Variants in PDE7B observed in about 807,000 individuals in gnomAD.
PDE7B encodes the protein 3',5'-cyclic-AMP phosphodiesterase 7B.
A neutral mutation model predicts 56.2 loss-of-function variants in PDE7B; 29 were observed. The observed-to-expected ratio is 0.52, with a 90% CI of 0.38 to 0.70. PDE7B has a LOEUF of 0.70. PDE7B is among the 30% of genes least tolerant of loss of function. The pLI is 0.00. For synonymous variants in PDE7B, 197 were observed against 196.9 expected (o/e 1.00, Z 0.00); for missense variants, 490 against 565.0 (o/e 0.87, Z 1.35).
intron 1 of PDE7B, among the ~76,000 whole-genome samples, chr6:135,872,913 T>A (rs988180068): frequency 6.6e-6 from 1 of 152,188 alleles, no homozygotes; most frequent in Non-Finnish European, 1.5e-5. Context: ...TTATTTCTCA[T>A]TTCTCCACAT....
chr6:136,099,244 A>ATGT (rs2128216974), intron 2 of PDE7B, among the ~76,000 whole-genome samples: 1 of 152,266 alleles, frequency 6.6e-6, no homozygotes, highest in East Asian at 1.9e-4. Flanking sequence ...ATACCTGTGC[A>ATGT]TGTGTCTTTA....
intron 2 of PDE7B, among the ~76,000 whole-genome samples, chr6:136,004,161 G>A (rs964356294): frequency 2.6e-5 from 4 of 152,106 alleles, no homozygotes; most frequent in African/African-American, 4.8e-5. Flanking sequence ...AACCCTTCAT[G>A]CTAAAAACTC....
At chr6:136,043,972 T>G (rs1158242898) in intron 2 of PDE7B, 1 of 152,196 alleles carries the variant, frequency 6.6e-6, no homozygotes, top group Non-Finnish European at 1.5e-5. Context: ...TTTGTCATTA[T>G]TGCCCTCTGA....
chr6:136,168,284 G>C (rs928778672), intron 8 of PDE7B, among the ~76,000 whole-genome samples: 2 of 152,054 alleles, frequency 1.3e-5, no homozygotes, highest in Admixed American at 1.3e-4. Context: ...GTGATATTTG[G>C]GACAATTTCA....
At chr6:136,095,107 C>T (rs934022788) in intron 2 of PDE7B, among the ~76,000 whole-genome samples, 4 of 152,192 alleles carry the variant, frequency 2.6e-5, no homozygotes, top group Non-Finnish European at 5.9e-5. Context: ...CATTAACATA[C>T]TGAAGCGTCT....
chr6:136,158,753 C>A (rs1022273757), intron 8 of PDE7B, among the ~76,000 whole-genome samples: 2 of 152,150 alleles, frequency 1.3e-5, no homozygotes, highest in East Asian at 1.9e-4. Flanking sequence ...CCTCTCTCAT[C>A]AGACTGGAAG....
chr6:136,176,753 A>G (rs1188756702), intron 9 of PDE7B, among the ~76,000 whole-genome samples: 1 of 152,148 alleles, frequency 6.6e-6, no homozygotes, highest in African/African-American at 2.4e-5. Context: ...ACTCCCTAAC[A>G]AAGAATGAGG....
rs369910516 is a variant in PDE7B at position 135,907,857 on chromosome 6, T to A, written c.22-39607T>A. ...GGATAGACTTGTTATAAAGAAGATA[T>A]TCATTCCTCCTATAGGGAGGAAATG... On this transcript the variant is annotated intron_variant, in intron 1 of 12. Coordinates refer to ENST00000308191, the MANE Select transcript of PDE7B (RefSeq NM_018945.4). Among the ~76,000 whole-genome samples, 13 of 152,200 alleles carry A rather than the reference T, an allele frequency of 8.5e-5. 1 individual carries two copies. Among genetic ancestry groups the A allele is most frequent in the Admixed American group, 4.6e-4 (7 of 15,296 alleles).
At chr6:135,872,607 G>T (rs1224619394) in intron 1 of PDE7B, among the ~76,000 whole-genome samples, 1 of 152,106 alleles carries the variant, frequency 6.6e-6, no homozygotes, top group Non-Finnish European at 1.5e-5. Flanking sequence ...CCACACAGAA[G>T]AAAACCCAAC....
At chr6:135,939,069 G>A (rs746708721) in intron 1 of PDE7B, among the ~76,000 whole-genome samples, 6 of 152,152 alleles carry the variant, frequency 3.9e-5, no homozygotes, top group Non-Finnish European at 7.3e-5. Context: ...TTCTTTGACT[G>A]AAGAAGAAAA....
chr6:135,914,533 G>A (rs1298237762), intron 1 of PDE7B, among the ~76,000 whole-genome samples: 1 of 12,850 alleles, frequency 7.8e-5, no homozygotes, highest in Non-Finnish European at 1.0e-4. Flanking sequence ...TCGCTCTGTC[G>A]CCCAGGCTGG....
chr6:136,111,736 A>AT (rs1026193220), intron 3 of PDE7B, among the ~76,000 whole-genome samples: 3 of 151,938 alleles, frequency 2.0e-5, no homozygotes, highest in Admixed American at 2.0e-4. Context: ...ACATTTGGGG[A>AT]TTTTCTCGTA....
intron 2 of PDE7B, among the ~76,000 whole-genome samples, chr6:135,970,151 C>T (rs942814629): frequency 2.0e-5 from 3 of 152,126 alleles, no homozygotes; most frequent in Non-Finnish European, 2.9e-5. Context: ...CCTTGGGTCT[C>T]ATAAAGTTTA....
intron 2 of PDE7B, among the ~76,000 whole-genome samples, chr6:136,030,697 A>G (rs961607603): frequency 6.6e-6 from 1 of 152,196 alleles, no homozygotes; most frequent in African/African-American, 2.4e-5. Context: ...TAATAAACCA[A>G]ATGAAAGAGC....
intron 3 of PDE7B, among the ~76,000 whole-genome samples, chr6:136,113,350 A>G (rs570883487): frequency 7.1e-4 from 108 of 152,358 alleles, no homozygotes; most frequent in African/African-American, 2.4e-3. Context: ...AATCATTTTC[A>G]TAAGAGATTC....
intron 3 of PDE7B, among the ~76,000 whole-genome samples, chr6:136,140,579 A>G (rs1778305290): frequency 6.6e-6 from 1 of 152,122 alleles, no homozygotes; most frequent in African/African-American, 2.4e-5. Context: ...CATTTTCACG[A>G]TATTGATTCC....
intron 1 of PDE7B, among the ~76,000 whole-genome samples, chr6:135,921,012 T>C (rs1213236448): frequency 6.6e-6 from 1 of 152,124 alleles, no homozygotes; most frequent in Non-Finnish European, 1.5e-5. Flanking sequence ...TTTTCAAGCT[T>C]TGTTAAAAGA....
At chr6:135,935,899 T>C (rs966544295) in intron 1 of PDE7B, among the ~76,000 whole-genome samples, 2 of 152,218 alleles carry the variant, frequency 1.3e-5, no homozygotes, top group African/African-American at 4.8e-5. Context: ...CATGTGGAAA[T>C]GGTCAATACA....
At chr6:135,857,024 TCCTCCCTCCCTC>T (rs57985628) in intron 1 of PDE7B, among the ~76,000 whole-genome samples, 85,192 of 127,826 alleles carry the variant, frequency 0.67, 30,099 homozygotes, top group Non-Finnish European at 0.78. Flanking sequence ...TTACTCCTTT[TCCTCCCTCCCTC>T]CCTCCCTCCC....
Sources: gnomAD v4.1 joint callset for allele counts (sites outside exome capture counted in the v4.1 genomes callset) on GRCh38, gnomAD v4.1.1 for gene constraint, MANE v1.5 for transcripts, NCBI Gene and HGNC (gene_info 2026-07-23, HGNC 2026-07-21) for gene names.